The following LINGO2 variants were observed in gnomAD, a reference collection of about 807,000 sequenced individuals.
LINGO2 encodes leucine rich repeat and Ig domain containing 2, also known as leucine-rich repeat and immunoglobulin-like domain-containing nogo receptor-interacting protein 2.
In LINGO2, 14 loss-of-function variants were observed where a neutral mutation model predicts 30.6. That is an observed-to-expected ratio of 0.46 (90% CI 0.30 to 0.72). The LOEUF (loss-of-function observed/expected upper bound fraction) is 0.72. Ranked by LOEUF, LINGO2 falls within the 30% of genes least tolerant of loss-of-function variation. The pLI, the probability that LINGO2 is intolerant of heterozygous loss-of-function variation, is 0.07. For synonymous variants in LINGO2, 317 were observed against 288.5 expected, an observed-to-expected ratio of 1.10 and a Z score of -1.00; for missense variants, 729 against 751.7, an observed-to-expected ratio of 0.97 and a Z score of 0.35.
At position 28,172,345 on chromosome 9, in the gene LINGO2, C is replaced by A. The variant is rs184142009; in HGVS notation, c.-87+122863G>T. 8.4e-3 allele frequency among the ~76,000 whole-genome samples: 1,266 copies of A among 150,704 alleles called. 17 individuals are homozygous for A. The highest frequency in any genetic ancestry group is 0.029 in the African/African-American group (1,202 of 41,094). On this transcript the variant is annotated intron_variant, in intron 4 of 5. Coordinates refer to ENST00000379992, the Ensembl canonical transcript of LINGO2. ...GGCGGAGCTTGCAGTGAGCCGAGATCCCGCCACTGCACTCCAGCCTGGGCG... is the reference window on the plus strand; with the variant it reads ...GGCGGAGCTTGCAGTGAGCCGAGATACCGCCACTGCACTCCAGCCTGGGCG...
the LINGO2 span, among the ~76,000 whole-genome samples, chr9:29,189,084 CG>C: frequency 3.9e-5 from 3 of 77,740 alleles, no homozygotes; most frequent in African/African-American, 1.1e-4. Flanking sequence ...CCATCCCGGA[CG>C]GGGCGGCTGG....
chr9:29,203,063 C>G, the LINGO2 span, among the ~76,000 whole-genome samples: 2 of 152,034 alleles, frequency 1.3e-5, no homozygotes, highest in South Asian at 4.1e-4. Context: ...ATCTTGAATT[C>G]AGAACCAACC....
At chr9:28,575,911 C>T (rs1403724720) in intron 1 of LINGO2, among the ~76,000 whole-genome samples, 1 of 134,572 alleles carries the variant, frequency 7.4e-6, no homozygotes, top group Non-Finnish European at 1.6e-5. Context: ...ATATAATTAT[C>T]CTCTTAGCCT....
At chr9:29,190,259 A>G in the LINGO2 span, among the ~76,000 whole-genome samples, 2 of 152,194 alleles carry the variant, frequency 1.3e-5, no homozygotes, top group East Asian at 1.9e-4. Context: ...GATGGCCAAG[A>G]TAACTACAAT....
intron 5 of LINGO2, among the ~76,000 whole-genome samples, chr9:27,966,861 C>A (rs183938960): frequency 6.6e-6 from 1 of 152,096 alleles, no homozygotes; most frequent in Non-Finnish European, 1.5e-5. Flanking sequence ...CGTGTGCCTA[C>A]GGAGAACAAC....
At chr9:27,982,558 C>A (rs188191801) in intron 5 of LINGO2, among the ~76,000 whole-genome samples, 1 of 151,802 alleles carries the variant, frequency 6.6e-6, no homozygotes, top group African/African-American at 2.4e-5. Flanking sequence ...TAGGTTACAT[C>A]CTCATCCCTT....
chr9:28,209,711 C>A (rs1011500636), intron 4 of LINGO2, among the ~76,000 whole-genome samples: 5 of 151,140 alleles, frequency 3.3e-5, no homozygotes, highest in African/African-American at 1.2e-4. Context: ...TGAAAGAGTA[C>A]ATCAGAAAAA....
At chr9:28,702,475 G>A in the LINGO2 span, among the ~76,000 whole-genome samples, 1 of 151,624 alleles carries the variant, frequency 6.6e-6, no homozygotes, top group Non-Finnish European at 1.5e-5. Context: ...TCACATACCT[G>A]GAATAAATCC....
chr9:28,646,842 T>C (rs1674155558), intron 1 of LINGO2, among the ~76,000 whole-genome samples: 3 of 152,126 alleles, frequency 2.0e-5, no homozygotes, highest in Admixed American at 2.0e-4. Flanking sequence ...ATAATAATTC[T>C]AATCATTAGA....
At chr9:28,563,923 C>A (rs775054117) in intron 1 of LINGO2, among the ~76,000 whole-genome samples, 2 of 152,190 alleles carry the variant, frequency 1.3e-5, no homozygotes, top group African/African-American at 2.4e-5. Context: ...CTATGCATAA[C>A]AATGAGCTAG....
At chr9:28,432,379 A>T (rs1037907821) in intron 2 of LINGO2, among the ~76,000 whole-genome samples, 2 of 151,608 alleles carry the variant, frequency 1.3e-5, no homozygotes, top group East Asian at 1.9e-4. Context: ...AATCAATATA[A>T]ATTTAATATT....
At chr9:28,617,456 T>C (rs1826185764) in intron 1 of LINGO2, among the ~76,000 whole-genome samples, 2 of 152,044 alleles carry the variant, frequency 1.3e-5, no homozygotes, top group South Asian at 4.2e-4. Flanking sequence ...CCACCACTCC[T>C]GGCTAATTTT....
chr9:28,241,533 C>A (rs1379135209), intron 4 of LINGO2, among the ~76,000 whole-genome samples: 1 of 151,954 alleles, frequency 6.6e-6, no homozygotes, highest in Non-Finnish European at 1.5e-5. Context: ...GGGGAGCCAC[C>A]CTCAGCCAAG....
intron 3 of LINGO2, among the ~76,000 whole-genome samples, chr9:28,347,589 C>A (rs1021623691): frequency 6.6e-6 from 1 of 152,252 alleles, no homozygotes; most frequent in East Asian, 1.9e-4. Flanking sequence ...AGATAAGGTC[C>A]CTTCTGTCAT....
chr9:28,874,077 C>T, the LINGO2 span, among the ~76,000 whole-genome samples: 41 of 151,928 alleles, frequency 2.7e-4, no homozygotes, highest in Admixed American at 2.7e-3. Context: ...TTAATTTGGT[C>T]ATCTGCTGGC....
chr9:28,645,111 T>C (rs1261710699), intron 1 of LINGO2, among the ~76,000 whole-genome samples: 2 of 152,144 alleles, frequency 1.3e-5, no homozygotes, highest in Non-Finnish European at 1.5e-5. Context: ...TATTCTCTTA[T>C]CCGATGGTTC....
At chr9:28,471,549 A>G (rs1825520464) in intron 2 of LINGO2, among the ~76,000 whole-genome samples, 1 of 152,188 alleles carries the variant, frequency 6.6e-6, no homozygotes, top group African/African-American at 2.4e-5. Context: ...ATTCTGGGAG[A>G]CACACACGAA....
chr9:28,369,865 G>A lies in LINGO2; in HGVS notation c.-246+2971C>T, dbSNP rs1202185316. ...TCTTTGAAAGAGTAAAGTGAATATTGGTATTCCTCTTTAATTAATAATCAT... is the reference window on the plus strand; with the variant it reads ...TCTTTGAAAGAGTAAAGTGAATATTAGTATTCCTCTTTAATTAATAATCAT... On this transcript the variant is annotated intron_variant, in intron 3 of 5. Transcript: ENST00000379992. Among the ~76,000 whole-genome samples, 4 of 152,040 alleles carry A rather than the reference G, an allele frequency of 2.6e-5. No homozygotes were observed. The East Asian group carries it at 5.8e-4, about 22-fold the overall frequency.
intron 1 of LINGO2, among the ~76,000 whole-genome samples, chr9:28,643,547 A>G (rs554515794): frequency 6.6e-6 from 1 of 152,304 alleles, no homozygotes; most frequent in Admixed American, 6.5e-5. Flanking sequence ...AAAATGAATT[A>G]AAGACTTAAA....
Sources: gnomAD v4.1 joint callset for allele counts (sites outside exome capture counted in the v4.1 genomes callset) on GRCh38, gnomAD v4.1.1 for gene constraint, MANE v1.5 for transcripts, NCBI Gene and HGNC (gene_info 2026-07-23, HGNC 2026-07-21) for gene names.